The following RAB3IP variants were observed in gnomAD, a reference collection of about 807,000 sequenced individuals.
RAB3IP encodes rab-3A-interacting protein.
Under a neutral mutation model 59.1 loss-of-function variants are expected in RAB3IP, and 36 were observed. The ratio of observed to expected loss-of-function variants is 0.61; its 90% CI spans 0.47 to 0.80. The LOEUF (loss-of-function observed/expected upper bound fraction) is 0.80. RAB3IP is among the 30% of genes least tolerant of loss of function. RAB3IP has a pLI of 0.00. For synonymous variants in RAB3IP, 207 were observed against 191.2 expected, an observed-to-expected ratio of 1.08 and a Z score of -0.68; for missense variants, 511 against 536.0, an observed-to-expected ratio of 0.95 and a Z score of 0.46.
intron 3 of RAB3IP, among the ~76,000 whole-genome samples, chr12:69,772,192 G>T (rs941976337): frequency 1.3e-5 from 2 of 151,744 alleles, no homozygotes; most frequent in Admixed American, 6.6e-5. Flanking sequence ...TACAATTTTT[G>T]GCTTAAAGTC....
At chr12:69,796,642 TG>T (rs1592583120) in intron 6 of RAB3IP, 1 of 626,770 alleles carries the variant, frequency 1.6e-6, no homozygotes, top group Admixed American at 2.5e-5. Flanking sequence ...AAAATGATGC[TG>T]GTAAGAGAGA....
intron 4 of RAB3IP, among the ~76,000 whole-genome samples, chr12:69,793,916 G>A (rs1383355093): frequency 6.6e-6 from 1 of 152,134 alleles, no homozygotes; most frequent in East Asian, 1.9e-4. Flanking sequence ...AGGGTAAACT[G>A]ATTTGCCTTT....
chr12:69,807,314 CG>C lies in RAB3IP; in HGVS notation c.1131-5462del, dbSNP rs539935404. 7.8e-4 allele frequency among the ~76,000 whole-genome samples: 113 copies of C among 145,102 alleles called. 1 individual carries two copies. The South Asian group carries it at 0.014, about 18-fold the overall frequency. On this transcript the variant is annotated intron_variant, in intron 8 of 10. Coordinates refer to ENST00000247833, the MANE Select transcript of RAB3IP (RefSeq NM_022456.5). The stretch of plus-strand genomic sequence containing the variant: ...GGCGCTCCTCACCTCCCAGACGGGG[CG>C]GCCGGGCAGAGGCGCTCTTCACCTC...
At chr12:69,792,616 G>A (rs1240591680) in intron 4 of RAB3IP, among the ~76,000 whole-genome samples, 2 of 152,006 alleles carry the variant, frequency 1.3e-5, no homozygotes, top group East Asian at 1.9e-4. Flanking sequence ...GATGTTTTTT[G>A]TCAATTTTTA....
chr12:69,743,400 T>C (rs1887534301), intron 1 of RAB3IP, among the ~76,000 whole-genome samples: 1 of 152,236 alleles, frequency 6.6e-6, no homozygotes, highest in African/African-American at 2.4e-5. Context: ...TCCTTTTACC[T>C]AAGATAAATA....
chr12:69,795,558 A>G, intron 6 of RAB3IP: 1 of 592,742 alleles, frequency 1.7e-6, no homozygotes, highest in Admixed American at 3.0e-5. Context: ...GAAACTTGGT[A>G]AGTTTCTTAA....
intron 4 of RAB3IP, among the ~76,000 whole-genome samples, chr12:69,787,921 A>G (rs1273195952): frequency 6.6e-6 from 1 of 152,194 alleles, no homozygotes; most frequent in Non-Finnish European, 1.5e-5. Flanking sequence ...ATGTGTTAAC[A>G]TACATTGTAA....
intron 3 of RAB3IP, among the ~76,000 whole-genome samples, chr12:69,766,432 C>T (rs890068793): frequency 2.6e-5 from 4 of 151,818 alleles, no homozygotes; most frequent in East Asian, 3.9e-4. Context: ...TTTTTCTGTT[C>T]GGTCCCATCT....
intron 3 of RAB3IP, among the ~76,000 whole-genome samples, chr12:69,773,370 T>G (rs538036491): frequency 6.6e-6 from 1 of 150,490 alleles, no homozygotes; most frequent in East Asian, 1.9e-4. Flanking sequence ...TATTATTTTT[T>G]TGGATACGCC....
chr12:69,787,608 C>T (rs773362857), intron 4 of RAB3IP, among the ~76,000 whole-genome samples: 11 of 152,194 alleles, frequency 7.2e-5, no homozygotes, highest in East Asian at 1.9e-4. Flanking sequence ...AAGTCATCAC[C>T]GGGGCCTCTT....
At chr12:69,782,860 G>A (rs1372350809) in intron 3 of RAB3IP, among the ~76,000 whole-genome samples, 1 of 151,744 alleles carries the variant, frequency 6.6e-6, no homozygotes, top group Non-Finnish European at 1.5e-5. Flanking sequence ...GTCCACTCAG[G>A]CAAGCTCATA....
intron 3 of RAB3IP, among the ~76,000 whole-genome samples, chr12:69,768,624 A>G (rs1317008450): frequency 6.6e-6 from 1 of 152,198 alleles, no homozygotes; most frequent in Non-Finnish European, 1.5e-5. Flanking sequence ...GGCACCCAGC[A>G]GTGTCTCACG....
intron 1 of RAB3IP, among the ~76,000 whole-genome samples, chr12:69,743,035 G>T (rs1046845726): frequency 6.6e-6 from 1 of 152,150 alleles, no homozygotes; most frequent in Non-Finnish European, 1.5e-5. Flanking sequence ...AATCATAATG[G>T]CAGTTGATGA....
intron 3 of RAB3IP, among the ~76,000 whole-genome samples, chr12:69,775,340 C>A (rs961375332): frequency 2.1e-5 from 3 of 141,496 alleles, no homozygotes; most frequent in Admixed American, 7.4e-5. Flanking sequence ...TCTAGATAAA[C>A]AATCATGTCA....
At chr12:69,750,933 A>T (rs1232670617) in intron 1 of RAB3IP, among the ~76,000 whole-genome samples, 2 of 152,256 alleles carry the variant, frequency 1.3e-5, no homozygotes, top group East Asian at 1.9e-4. Flanking sequence ...TATTTAAATA[A>T]TTATTGCCCT....
At chr12:69,803,473 T>C (rs1249791321) in intron 8 of RAB3IP, among the ~76,000 whole-genome samples, 51 of 152,128 alleles carry the variant, frequency 3.4e-4, no homozygotes, top group Admixed American at 3.3e-3. Context: ...AAGAGAGATT[T>C]GGTTTAAGTT....
Position 69,755,608 on chromosome 12 carries a change from C to T in RAB3IP, c.200C>T (p.Pro67Leu). 6.2e-7 allele frequency: 1 copy of T among 1,613,714 alleles called. No individual in the cohort carries two copies. The highest frequency in any genetic ancestry group is 8.5e-7 in the Non-Finnish European group (1 of 1,179,736). ...GATGTTTCTGAACTTCCTACACAAC[C>T]CGTGTATTCATCCCCCAGACGTTTA... ...ALDVSELPTQ[P>L]VYSSPRRLNC... Residue 67 changes from proline (P) to leucine (L), a missense_variant, in exon 2 of 11, where the codon CCC becomes CTC. Transcript: ENST00000247833.
At chr12:69,748,721 G>A (rs531706275) in intron 1 of RAB3IP, among the ~76,000 whole-genome samples, 1 of 152,278 alleles carries the variant, frequency 6.6e-6, no homozygotes, top group African/African-American at 2.4e-5. Flanking sequence ...GGGATAATCA[G>A]TTGAAATTAG....
chr12:69,751,023 G>A (rs930692136), intron 1 of RAB3IP, among the ~76,000 whole-genome samples: 7 of 152,038 alleles, frequency 4.6e-5, no homozygotes, highest in Non-Finnish European at 1.0e-4. Context: ...CTCATGAGCT[G>A]TTCAGTTCTT....
Sources: gnomAD v4.1 joint callset for allele counts (sites outside exome capture counted in the v4.1 genomes callset) on GRCh38, gnomAD v4.1.1 for gene constraint, MANE v1.5 for transcripts, NCBI Gene and HGNC (gene_info 2026-07-23, HGNC 2026-07-21) for gene names.